Variants in NCAPG observed in about 807,000 individuals in gnomAD.
NCAPG encodes non-SMC condensin I complex subunit G, also known as condensin complex subunit 3.
NCAPG carries 69 observed loss-of-function variants against 113.1 expected under a neutral mutation model. The observed-to-expected ratio is 0.61, with a 90% CI of 0.50 to 0.75. NCAPG has a LOEUF of 0.75. NCAPG is among the 30% of genes least tolerant of loss of function. The pLI is 0.00. For synonymous variants in NCAPG, 370 were observed against 415.8 expected, an observed-to-expected ratio of 0.89 and a Z score of 1.34; for missense variants, 1,058 against 1,177.0, an observed-to-expected ratio of 0.90 and a Z score of 1.48.
At chr4:17,836,055 T>C (rs1416004121) in intron 14 of NCAPG, among the ~76,000 whole-genome samples, 2 of 152,244 alleles carry the variant, frequency 1.3e-5, no homozygotes, top group African/African-American at 2.4e-5. Flanking sequence ...TCCACAGTGA[T>C]TGAACCATTT....
chr4:17,839,963 A>G (rs750403118), intron 17 of NCAPG, 108 bp from the exon 18 acceptor site: 300 of 1,446,584 alleles, frequency 2.1e-4, no homozygotes, highest in Non-Finnish European at 2.6e-4. Context: ...TTTCTTCATA[A>G]ATTTCATATA....
intron 9 of NCAPG, among the ~76,000 whole-genome samples, chr4:17,824,252 T>C (rs1184054544): frequency 6.6e-6 from 1 of 152,184 alleles, no homozygotes; most frequent in African/African-American, 2.4e-5. Context: ...TATTGCTTGA[T>C]AAATACAGAA....
At chr4:17,821,577 C>T (rs928641768) in intron 7 of NCAPG, among the ~76,000 whole-genome samples, 2 of 151,502 alleles carry the variant, frequency 1.3e-5, no homozygotes, top group African/African-American at 4.9e-5. Flanking sequence ...AATTCTCCTG[C>T]CTCAGCCTCC....
chr4:17,839,586 A>G (rs1279362399), intron 16 of NCAPG, 90 bp from the exon 17 acceptor site: 5 of 962,038 alleles, frequency 5.2e-6, no homozygotes, highest in Non-Finnish European at 7.1e-6. Context: ...ATGGCAAGAA[A>G]ATTAGTTGGA....
chr4:17,822,296 C>T (rs1721490798), intron 7 of NCAPG, among the ~76,000 whole-genome samples: 1 of 149,974 alleles, frequency 6.7e-6, no homozygotes, highest in African/African-American at 2.5e-5. Flanking sequence ...TGGATTCAAG[C>T]AATTCTTCTG....
At chr4:17,816,588 C>T (rs1721222002) in intron 5 of NCAPG, among the ~76,000 whole-genome samples, 1 of 152,150 alleles carries the variant, frequency 6.6e-6, no homozygotes, top group South Asian at 2.1e-4. Context: ...AAGGTTTGTT[C>T]AGTGACGTGT....
chr4:17,830,569 T>TA (rs1160065319), intron 12 of NCAPG, among the ~76,000 whole-genome samples: 1 of 151,002 alleles, frequency 6.6e-6, no homozygotes, highest in African/African-American at 2.4e-5. Flanking sequence ...TTTTTTTTTT[T>TA]ACTTCAATGT....
chr4:17,812,471 C>T (rs1187663504), intron 2 of NCAPG, 47 bp downstream of exon 2: 4 of 1,506,038 alleles, frequency 2.7e-6, no homozygotes. Context: ...GAAAATTTTG[C>T]CACTTTAAAA....
intron 3 of NCAPG, 131 bp from the exon 4 acceptor site, chr4:17,814,722 G>T: frequency 9.7e-7 from 1 of 1,029,972 alleles, no homozygotes; most frequent in Non-Finnish European, 1.4e-6. Flanking sequence ...CTGGTTATAG[G>T]CAGTAGCCAT....
chr4:17,818,132 C>T (rs1193375255), intron 7 of NCAPG, 44 bp downstream of exon 7: 6 of 1,548,744 alleles, frequency 3.9e-6, no homozygotes, highest in Non-Finnish European at 4.4e-6. Flanking sequence ...TGTGTTGCTG[C>T]ATGTGTCAAT....
At chr4:17,819,464 C>CA (rs1294605025) in intron 7 of NCAPG, among the ~76,000 whole-genome samples, 1 of 151,204 alleles carries the variant, frequency 6.6e-6, no homozygotes, top group African/African-American at 2.4e-5. Context: ...TGCAATAGTG[C>CA]AATCTCGGCT....
intron 7 of NCAPG, among the ~76,000 whole-genome samples, chr4:17,822,250 G>A (rs1721488248): frequency 6.9e-6 from 1 of 144,692 alleles, no homozygotes; most frequent in Non-Finnish European, 1.5e-5. Flanking sequence ...CTAGAGTGCA[G>A]TGGTGCGATC....
At chr4:17,831,540 G>A (rs1041317560) in intron 13 of NCAPG, among the ~76,000 whole-genome samples, 8 of 152,112 alleles carry the variant, frequency 5.3e-5, no homozygotes, top group African/African-American at 1.9e-4. Context: ...ATTAAGCAGT[G>A]GGAAGGAGGA....
intron 7 of NCAPG, among the ~76,000 whole-genome samples, chr4:17,819,465 A>C (rs1721356808): frequency 6.6e-6 from 1 of 151,706 alleles, no homozygotes; most frequent in South Asian, 2.1e-4. Flanking sequence ...GCAATAGTGC[A>C]ATCTCGGCTC....
intron 3 of NCAPG, 120 bp downstream of exon 3, chr4:17,813,265 G>A (rs1385971301): frequency 1.3e-5 from 10 of 784,992 alleles, no homozygotes; most frequent in East Asian, 3.1e-5. Flanking sequence ...ATATGATTCC[G>A]ATTAAACAAA....
At chr4:17,821,946 G>A (rs1413394680) in intron 7 of NCAPG, among the ~76,000 whole-genome samples, 1 of 151,978 alleles carries the variant, frequency 6.6e-6, no homozygotes, top group Non-Finnish European at 1.5e-5. Context: ...GATTATAAAG[G>A]GCTTTAGTTT....
chr4:17,825,116 C>A, intron 10 of NCAPG, 59 bp downstream of exon 10: 1 of 1,270,558 alleles, frequency 7.9e-7, no homozygotes, highest in Non-Finnish European at 1.1e-6. Context: ...CAAGTCTATT[C>A]TTTCCTCTTG....
rs751142910 is a variant in NCAPG, at chr4:17,822,966, A to G, written c.1119-17A>G. ...GTTTCTTAAAAGATTCTACTTTATT[A>G]ATTCTGCTTGTTTTAGTTACATCCA... On this transcript the variant is annotated splice_polypyrimidine_tract_variant and intron_variant, in intron 7 of 20. Coordinates refer to ENST00000251496, the MANE Select transcript of NCAPG (RefSeq NM_022346.5). 3.2e-6 allele frequency: 5 copies of G among 1,564,238 alleles called. No homozygotes were observed. Among genetic ancestry groups the G allele is most frequent in the Non-Finnish European group, 4.3e-6 (5 of 1,161,008 alleles).
At chr4:17,825,677 A>AATTTAGCAT in intron 11 of NCAPG, 116 bp downstream of exon 11, 2 of 868,510 alleles carry the variant, frequency 2.3e-6, no homozygotes, top group Non-Finnish European at 3.4e-6. Context: ...ACTTTGTAAT[A>AATTTAGCAT]GTGACATGAA....
Sources: gnomAD v4.1 joint callset for allele counts (sites outside exome capture counted in the v4.1 genomes callset) on GRCh38, gnomAD v4.1.1 for gene constraint, MANE v1.5 for transcripts, NCBI Gene and HGNC (gene_info 2026-07-23, HGNC 2026-07-21) for gene names.